Variants in SPHKAP observed in about 807,000 individuals in gnomAD.
The protein encoded by SPHKAP is SPHK1 interactor, AKAP domain containing.
A neutral mutation model predicts 137.5 loss-of-function variants in SPHKAP; 67 were observed. That is an observed-to-expected ratio of 0.49 (90% CI 0.40 to 0.60). SPHKAP has a LOEUF of 0.60. Among genes scored for constraint, SPHKAP ranks in the 20% least tolerant of loss-of-function variants. The pLI is 0.00. For missense variants in SPHKAP, 2,097 were observed against 2,069.3 expected (o/e 1.01, Z -0.26); for synonymous variants, 813 against 785.3 (o/e 1.04, Z -0.59).
intron 2 of SPHKAP, among the ~76,000 whole-genome samples, chr2:228,120,216 A>C (rs1698863254): frequency 6.6e-6 from 1 of 152,190 alleles, no homozygotes; most frequent in South Asian, 2.1e-4. Flanking sequence ...GAGAAAAGGT[A>C]AACGTGTCAT....
chr2:228,100,659 TGTTCC>T (rs1453660659), intron 3 of SPHKAP, among the ~76,000 whole-genome samples: 1 of 152,242 alleles, frequency 6.6e-6, no homozygotes, highest in African/African-American at 2.4e-5. Context: ...GATTTGTATA[TGTTCC>T]ACCAGCCCTG....
Position 228,017,537 on chromosome 2 carries a change from A to G in SPHKAP, c.3317T>C (p.Leu1106Pro), listed in dbSNP as rs144952813. The change falls in exon 7 of 12, where the codon CTG becomes CCG. Residue 1106 changes from leucine (L) to proline (P), a missense_variant. Physicochemically the swap from Leu to Pro is moderately conservative, Grantham distance 98 (BLOSUM62 -3). Coordinates refer to ENST00000392056, the MANE Select transcript of SPHKAP (RefSeq NM_001142644.2). ...YVNSLGLMST[L>P]SQPVSRASSV... ...GCTGGCCCTGCTGACCGGCTGGCTC[A>G]GCGTGCTCATTAAGCCCAGGCTGTT... 9 of 1,613,110 alleles carry G rather than the reference A, an allele frequency of 5.6e-6. No individual in the cohort carries two copies. In the African/African-American group the frequency reaches 1.2e-4, roughly 22 times the overall value.
chr2:228,109,500 A>G (rs1384595792), intron 2 of SPHKAP: 1 of 380,682 alleles, frequency 2.6e-6, no homozygotes, highest in African/African-American at 2.2e-5. Context: ...CCATTTAGAA[A>G]TAGCACGGTA....
chr2:228,058,287 C>T (rs1696515155), intron 3 of SPHKAP, among the ~76,000 whole-genome samples: 1 of 152,168 alleles, frequency 6.6e-6, no homozygotes, highest in Non-Finnish European at 1.5e-5. Context: ...ATGCTAAACG[C>T]TCATATGTAC....
rs192502309 is a variant in SPHKAP at position 227,993,592 on chromosome 2, G to T, written c.4663C>A (p.Leu1555Ile). 5.0e-3 allele frequency: 8,021 copies of T among 1,601,308 alleles called. 32 individuals are homozygous for T. The highest frequency in any genetic ancestry group is 6.3e-3 in the Non-Finnish European group (7,445 of 1,173,778). The change falls in exon 9 of 12, where the codon CTT becomes ATT. Residue 1555 changes from leucine to isoleucine, a missense_variant. By Grantham distance (5) the Leu-to-Ile change is conservative. Transcript: ENST00000392056. Reference sequence around the variant, plus strand: ...TAAATGTCCAGATCCATAATGCCAAGACTGCTAGTGGCACTACTGTTGCCA... The same window carrying T: ...TAAATGTCCAGATCCATAATGCCAATACTGCTAGTGGCACTACTGTTGCCA... ...SNGNSSATSS[L>I]GIMDLDIYQE...
chr2:228,017,072 T>C lies in SPHKAP; in HGVS notation c.3782A>G (p.Asp1261Gly). The C allele has an allele frequency of 6.2e-7, 1 of 1,614,056 alleles. No homozygotes were observed. The highest frequency in any genetic ancestry group is 8.5e-7 in the Non-Finnish European group (1 of 1,180,000). The change falls in exon 7 of 12, where the codon GAT (aspartate) becomes GGT (glycine). Residue 1261 changes from aspartate to glycine, a missense_variant. By Grantham distance (94) the Asp-to-Gly change is moderately conservative (BLOSUM62 -1). Transcript: ENST00000392056. ...VNVPIKANSL[D>G]GFAQNCPQDF... ...TTGTGGGCAGTTCTGAGCAAAGCCA[T>C]CTAAAGAGTTGGCTTTGATGGGCAC...
rs1253091951 is a variant in SPHKAP at position 228,181,317 on chromosome 2, GCTGACCCC to G, written c.32+242_32+249del. ...CCTGGGCCTTAGAGGCGGGCACGGG[GCTGACCCC>G]CAACCCGTGCCACTCCAGCGCACAG... On this transcript the variant is annotated intron_variant, in intron 1 of 11. Transcript: ENST00000392056. This position sits in a 1 kb window ranked among gnomAD's most constrained non-coding sequence, Gnocchi z 4.3. 2.0e-5 allele frequency among the ~76,000 whole-genome samples: 3 copies of G among 152,120 alleles called. No individual in the cohort carries two copies. Among genetic ancestry groups the G allele is most frequent in the Non-Finnish European group, 2.9e-5 (2 of 68,008 alleles).
intron 1 of SPHKAP, among the ~76,000 whole-genome samples, chr2:228,145,819 A>G (rs551503973): frequency 6.6e-6 from 1 of 152,208 alleles, no homozygotes; most frequent in African/African-American, 2.4e-5. Context: ...GACTGAAAGA[A>G]TGTACCTAAA....
intron 1 of SPHKAP, chr2:228,132,519 A>G: frequency 1.1e-6 from 1 of 885,162 alleles, no homozygotes; most frequent in Non-Finnish European, 1.4e-6. Context: ...TGGACTCAGA[A>G]TAGTACCATT....
At chr2:228,120,253 C>A (rs548109513) in intron 2 of SPHKAP, among the ~76,000 whole-genome samples, 10 of 152,192 alleles carry the variant, frequency 6.6e-5, no homozygotes, top group Non-Finnish European at 1.2e-4. Flanking sequence ...AAATGAGTGA[C>A]CTTCAGATAA....
chr2:227,995,245 T>C (rs975385277), intron 8 of SPHKAP, among the ~76,000 whole-genome samples: 1 of 152,242 alleles, frequency 6.6e-6, no homozygotes, highest in African/African-American at 2.4e-5. Flanking sequence ...GTTGTCATCA[T>C]TGAATGTTCT....
chr2:228,050,812 A>G (rs1696227820), intron 3 of SPHKAP, among the ~76,000 whole-genome samples: 1 of 151,400 alleles, frequency 6.6e-6, no homozygotes, highest in African/African-American at 2.4e-5. Flanking sequence ...ACCTTTATTT[A>G]TTTATTTATT....
rs201463661 is a variant in SPHKAP, at chr2:228,043,347, GA to G, written c.247-15805del. On this transcript the variant is annotated intron_variant, in intron 3 of 11. Transcript: ENST00000392056. ...ACTTTTTCGTTTCCTTTTGTTTTGA[GA>G]TGGAGTCTCGCTTTGTCGCCCAGGC... Among the ~76,000 whole-genome samples, 1,447 of 152,306 alleles carry G rather than the reference GA, an allele frequency of 9.5e-3. 32 individuals are homozygous for G. The highest frequency in any genetic ancestry group is 0.033 in the African/African-American group (1,376 of 41,562).
chr2:228,052,370 G>C (rs1486082486), intron 3 of SPHKAP, among the ~76,000 whole-genome samples: 2 of 152,008 alleles, frequency 1.3e-5, no homozygotes, highest in African/African-American at 4.8e-5. Context: ...CACAAAATAG[G>C]CCAATGCTAA....
chr2:228,113,332 G>C (rs1004200654), intron 2 of SPHKAP, among the ~76,000 whole-genome samples: 1 of 152,108 alleles, frequency 6.6e-6, no homozygotes, highest in African/African-American at 2.4e-5. Context: ...TAAATTTCTA[G>C]GCTTGTGAGG....
intron 3 of SPHKAP, among the ~76,000 whole-genome samples, chr2:228,028,387 G>T (rs1695142545): frequency 6.6e-6 from 1 of 151,984 alleles, no homozygotes; most frequent in African/African-American, 2.4e-5. Context: ...CTCTTTGTTA[G>T]CTATGTTGGA....
At position 228,027,496 on chromosome 2, in the gene SPHKAP, C is replaced by T. The variant is rs1309184384; in HGVS notation, c.294G>A (p.Glu98=). Reference sequence around the variant, plus strand: ...TTTCAAATGTTACCTGTTGCAGGTGCTCTGTGCTGCATTCATCCTTGTTCA... The same window carrying T: ...TTTCAAATGTTACCTGTTGCAGGTGTTCTGTGCTGCATTCATCCTTGTTCA... ...LDVNKDECST[E]HLQQKLVNVS... The change falls in exon 4 of 12, where the codon GAG becomes GAA. Residue 98 remains glutamate, a synonymous_variant. Coordinates refer to ENST00000392056, the MANE Select transcript of SPHKAP (RefSeq NM_001142644.2). 1.9e-6 allele frequency: 3 copies of T among 1,613,864 alleles called. No homozygotes were observed. The highest frequency in any genetic ancestry group is 1.1e-5 in the South Asian group (1 of 91,076).
At chr2:228,154,512 C>CTCTCTCTCTATATATATATATATA (rs1393941364) in intron 1 of SPHKAP, among the ~76,000 whole-genome samples, 2 of 22,066 alleles carry the variant, frequency 9.1e-5, no homozygotes, top group Non-Finnish European at 1.5e-4. Context: ...CTCTCTCTCT[C>CTCTCTCTCTATATATATATATATA]TATATATATA....
intron 3 of SPHKAP, among the ~76,000 whole-genome samples, chr2:228,104,343 A>T (rs57966226): frequency 1.2e-4 from 18 of 145,748 alleles, no homozygotes; most frequent in African/African-American, 1.8e-4. Flanking sequence ...TTAATATTAA[A>T]ATAATATTAA....
Sources: allele counts gnomAD v4.1 joint callset (sites outside exome capture counted in the v4.1 genomes callset), GRCh38; gene constraint gnomAD v4.1.1; non-coding constraint Gnocchi (gnomAD v3.1); transcripts MANE v1.5; gene names NCBI Gene and HGNC (gene_info 2026-07-23, HGNC 2026-07-21).